The following NOL4 variants were observed in gnomAD, a reference collection of about 807,000 sequenced individuals.
The protein encoded by NOL4 is nucleolar protein 4.
Under a neutral mutation model 75.9 loss-of-function variants are expected in NOL4, and 17 were observed. That is an observed-to-expected ratio of 0.22 (90% CI 0.15 to 0.34). NOL4 has a LOEUF of 0.34. NOL4 is among the 10% of genes least tolerant of loss of function. The pLI, the probability that NOL4 is intolerant of heterozygous loss-of-function variation, is 1.00. For missense variants in NOL4, 614 were observed against 793.5 expected (o/e 0.77, Z 2.72); for synonymous variants, 292 against 289.9 (o/e 1.01, Z -0.07).
chr18:33,950,215 G>A (rs1600005044), intron 8 of NOL4, among the ~76,000 whole-genome samples: 1 of 150,620 alleles, frequency 6.6e-6, no homozygotes, highest in South Asian at 2.1e-4. Context: ...TTAAGATCAA[G>A]TGTAATTTTT....
chr18:34,097,406 A>G (rs80131163), intron 4 of NOL4, among the ~76,000 whole-genome samples: 2,608 of 152,194 alleles, frequency 0.017, 35 homozygotes, highest in Non-Finnish European at 0.023. Flanking sequence ...CAGGTCCCAC[A>G]TATCAGACCT....
At chr18:34,042,375 T>G (rs1179047234) in intron 5 of NOL4, among the ~76,000 whole-genome samples, 4 of 152,014 alleles carry the variant, frequency 2.6e-5, no homozygotes, top group Non-Finnish European at 5.9e-5. Flanking sequence ...CATGATGGTA[T>G]TTTCTAAAGT....
At chr18:33,930,785 A>G (rs1052266799) in intron 9 of NOL4, among the ~76,000 whole-genome samples, 1 of 152,146 alleles carries the variant, frequency 6.6e-6, no homozygotes, top group Non-Finnish European at 1.5e-5. Context: ...TTAATTTATG[A>G]TAGCTTTTGA....
rs115698351 is a variant in NOL4, at chr18:34,207,834, C to T, written c.264+15156G>A. 5.7e-3 allele frequency among the ~76,000 whole-genome samples: 869 copies of T among 152,272 alleles called. 10 individuals carry two copies. The highest frequency in any genetic ancestry group is 0.02 in the African/African-American group (839 of 41,540). ...ACCAAGGGAACTTCTGTTTTCTGTT[C>T]CTCTGGCCAGAGACAGGTTTTTCCA... On this transcript the variant is annotated intron_variant, in intron 1 of 10. Coordinates refer to ENST00000261592, the MANE Select transcript of NOL4 (RefSeq NM_003787.5).
At chr18:34,180,372 A>C (rs572986770) in intron 1 of NOL4, among the ~76,000 whole-genome samples, 16 of 151,734 alleles carry the variant, frequency 1.1e-4, no homozygotes, top group Admixed American at 4.6e-4. Context: ...TCATAAAATA[A>C]AGTAAAAACA....
At position 34,169,665 on chromosome 18, in the gene NOL4, A is replaced by G. The variant is rs527417715; in HGVS notation, c.265-39645T>C. ...GGATAGAAGAATATGCACCATGCCA[A>G]TACTACAAGGGCTAGGTTATCAATG... On this transcript the variant is annotated intron_variant, in intron 1 of 10. Coordinates refer to ENST00000261592, the MANE Select transcript of NOL4 (RefSeq NM_003787.5). Among the ~76,000 whole-genome samples, 13 of 152,266 alleles carry G rather than the reference A, an allele frequency of 8.5e-5. No individual in the cohort carries two copies. In the East Asian group the frequency reaches 2.1e-3, roughly 25 times the overall value.
chr18:34,098,911 A>G (rs1051391637), intron 4 of NOL4, among the ~76,000 whole-genome samples: 40 of 152,282 alleles, frequency 2.6e-4, no homozygotes, highest in African/African-American at 9.4e-4. Context: ...GGTTCTAAGT[A>G]GTAAATTATT....
chr18:34,119,036 AT>A (rs2145820253), intron 2 of NOL4, among the ~76,000 whole-genome samples: 1 of 152,314 alleles, frequency 6.6e-6, no homozygotes, highest in African/African-American at 2.4e-5. Flanking sequence ...GGAATTATCT[AT>A]TGGTAGTTAT....
intron 10 of NOL4, among the ~76,000 whole-genome samples, chr18:33,880,062 A>G (rs1408083255): frequency 5.3e-5 from 8 of 152,090 alleles, no homozygotes; most frequent in Admixed American, 5.2e-4. Flanking sequence ...TAGAAATTGC[A>G]TCTCTCTTAT....
At chr18:34,084,688 T>C (rs994241241) in intron 5 of NOL4, among the ~76,000 whole-genome samples, 12 of 152,308 alleles carry the variant, frequency 7.9e-5, no homozygotes, top group African/African-American at 2.6e-4. Context: ...ATAATAATTA[T>C]AATGAAATAT....
At position 33,926,358 on chromosome 18, in the gene NOL4, C is replaced by CAAA. The variant is rs67803985; in HGVS notation, c.1542+16704_1542+16706dup. 9.2e-4 allele frequency among the ~76,000 whole-genome samples: 43 copies of CAAA among 46,526 alleles called. 2 individuals are homozygous for CAAA. The highest frequency in any genetic ancestry group is 2.1e-3 in the African/African-American group (24 of 11,338). 30.5% of individuals were successfully genotyped at this position (46,526 alleles called of 152,430 possible). On this transcript the variant is annotated intron_variant, in intron 9 of 10. Coordinates refer to ENST00000261592, the MANE Select transcript of NOL4 (RefSeq NM_003787.5). ...ATGGCGACAGAGGAAGACTCCATCTCAAAAAAAAAAAAAAAAAAAAAAAAA... is the reference window on the plus strand; with the variant it reads ...ATGGCGACAGAGGAAGACTCCATCTCAAAAAAAAAAAAAAAAAAAAAAAAAAAA...
At chr18:34,082,124 TAAG>T (rs915979588) in intron 5 of NOL4, among the ~76,000 whole-genome samples, 7 of 152,090 alleles carry the variant, frequency 4.6e-5, no homozygotes, top group African/African-American at 1.7e-4. Flanking sequence ...GTTTAGAAAA[TAAG>T]AACATAATGG....
intron 10 of NOL4, among the ~76,000 whole-genome samples, chr18:33,876,246 G>A (rs375645136): frequency 1.3e-5 from 2 of 151,990 alleles, no homozygotes; most frequent in Admixed American, 6.6e-5. Flanking sequence ...AATGACATTT[G>A]TTTTAAAGGT....
At chr18:33,985,019 C>T (rs1490364679) in intron 6 of NOL4, among the ~76,000 whole-genome samples, 1 of 151,888 alleles carries the variant, frequency 6.6e-6, no homozygotes, top group Non-Finnish European at 1.5e-5. Flanking sequence ...GTCTGAGATC[C>T]TTCATTAAAA....
chr18:33,852,788 G>T lies in NOL4; in HGVS notation c.*54C>A. The T allele has an allele frequency of 6.8e-7, 1 of 1,463,282 alleles. No homozygotes were observed. 90.6% of individuals were successfully genotyped at this position (1,463,282 alleles called of 1,614,324 possible). ...AGTATCTCTGTTGGGAAATCAAAAT[G>T]TCATTAGTGGAAACTGCAAATTTAG... On this transcript the variant is annotated 3_prime_UTR_variant, in exon 11 of 11. Transcript: ENST00000261592.
intron 2 of NOL4, among the ~76,000 whole-genome samples, chr18:34,119,900 G>C (rs1159517643): frequency 6.6e-6 from 1 of 152,076 alleles, no homozygotes; most frequent in Non-Finnish European, 1.5e-5. Flanking sequence ...GGGATTACAG[G>C]CTTAAGCCAC....
intron 5 of NOL4, among the ~76,000 whole-genome samples, chr18:34,046,648 T>C (rs1555703638): frequency 1.9e-5 from 1 of 52,910 alleles, no homozygotes; most frequent in Non-Finnish European, 4.3e-5. Context: ...GTATATGTAC[T>C]TTACTCTGCT....
chr18:33,915,090 G>A (rs2066634018), intron 9 of NOL4, among the ~76,000 whole-genome samples: 1 of 152,172 alleles, frequency 6.6e-6, no homozygotes, highest in Non-Finnish European at 1.5e-5. Flanking sequence ...TTCGTATGTT[G>A]TTTTAAAAGT....
At chr18:34,093,196 T>G (rs1344479793) in intron 5 of NOL4, among the ~76,000 whole-genome samples, 2 of 152,276 alleles carry the variant, frequency 1.3e-5, no homozygotes, top group South Asian at 2.1e-4. Context: ...TAACACATAT[T>G]TTAAGTTCAG....
Sources: allele counts gnomAD v4.1 joint callset (sites outside exome capture counted in the v4.1 genomes callset), GRCh38; gene constraint gnomAD v4.1.1; transcripts MANE v1.5; gene names NCBI Gene and HGNC (gene_info 2026-07-23, HGNC 2026-07-21).